The following QTMAN variants were observed in gnomAD, a reference collection of about 807,000 sequenced individuals.
QTMAN encodes queuosine-tRNA mannosyltransferase, also known as tRNA-queuosine alpha-mannosyltransferase.
the QTMAN span, among the ~76,000 whole-genome samples, chr2:144,029,650 C>A: frequency 6.6e-6 from 1 of 152,026 alleles, no homozygotes; most frequent in South Asian, 2.1e-4. Context: ...AAAAAACATG[C>A]TAGCAAAGCT....
At chr2:143,976,649 T>C in the QTMAN span, among the ~76,000 whole-genome samples, 2 of 152,312 alleles carry the variant, frequency 1.3e-5, no homozygotes, top group South Asian at 2.1e-4. Context: ...ACGTGGTGTG[T>C]CATAGTGCTT....
the QTMAN span, among the ~76,000 whole-genome samples, chr2:143,965,539 T>C: frequency 6.6e-6 from 1 of 152,192 alleles, no homozygotes; most frequent in African/African-American, 2.4e-5. Context: ...GTCCCAAGCC[T>C]GGTTTGCTGA....
the QTMAN span, among the ~76,000 whole-genome samples, chr2:144,104,998 G>A: frequency 0.016 from 2,465 of 152,318 alleles, 90 homozygotes; most frequent in African/African-American, 0.055. Context: ...GGCAAACAGA[G>A]TCTGGAGTGG....
the QTMAN span, among the ~76,000 whole-genome samples, chr2:144,020,787 A>T: frequency 6.6e-6 from 1 of 150,968 alleles, no homozygotes; most frequent in Non-Finnish European, 1.5e-5. Context: ...GAAAAAACTT[A>T]AAAAAAAACC....
chr2:143,990,128 G>A, the QTMAN span, among the ~76,000 whole-genome samples: 183 of 151,730 alleles, frequency 1.2e-3, 5 homozygotes, highest in South Asian at 0.034. Context: ...GCTAGATTAC[G>A]GTAATTCCTT....
the QTMAN span, among the ~76,000 whole-genome samples, chr2:143,966,773 C>T: frequency 6.6e-6 from 1 of 152,226 alleles, no homozygotes; most frequent in Non-Finnish European, 1.5e-5. Flanking sequence ...TTTGTAACAA[C>T]ATAATTTTTG....
the QTMAN span, among the ~76,000 whole-genome samples, chr2:144,018,574 A>C: frequency 6.6e-6 from 1 of 152,326 alleles, no homozygotes; most frequent in Non-Finnish European, 1.5e-5. Flanking sequence ...AGAAAAAGGG[A>C]GTAAAAATAA....
At chr2:144,134,267 T>C in the QTMAN span, among the ~76,000 whole-genome samples, 9 of 152,172 alleles carry the variant, frequency 5.9e-5, no homozygotes, top group African/African-American at 2.2e-4. Flanking sequence ...GGAGTTTTCA[T>C]TTAAAGTTTT....
At chr2:143,976,458 C>A in the QTMAN span, among the ~76,000 whole-genome samples, 1 of 152,190 alleles carries the variant, frequency 6.6e-6, no homozygotes, top group Non-Finnish European at 1.5e-5. Context: ...ACTTCCAAAT[C>A]CAGTGATGTG....
chr2:144,144,190 G>A, the QTMAN span, among the ~76,000 whole-genome samples: 5 of 151,888 alleles, frequency 3.3e-5, no homozygotes, highest in Non-Finnish European at 7.4e-5. Flanking sequence ...GGAATCGAGA[G>A]CTGAATTGTT....
chr2:143,977,681 A>G, the QTMAN span, among the ~76,000 whole-genome samples: 3 of 152,334 alleles, frequency 2.0e-5, no homozygotes, highest in Middle Eastern at 3.4e-3. Context: ...GGGGACCAGG[A>G]AAATGGAAGA....
At chr2:143,965,612 T>C in the QTMAN span, among the ~76,000 whole-genome samples, 1 of 152,292 alleles carries the variant, frequency 6.6e-6, no homozygotes, top group East Asian at 1.9e-4. Context: ...GGTTGGATAA[T>C]TATTTGCCGT....
At chr2:144,205,388 T>C in the QTMAN span, among the ~76,000 whole-genome samples, 2 of 152,184 alleles carry the variant, frequency 1.3e-5, no homozygotes, top group African/African-American at 4.8e-5. Flanking sequence ...ACCACTTTGC[T>C]GGAAGAACTC....
the QTMAN span, among the ~76,000 whole-genome samples, chr2:144,109,225 C>A: frequency 6.6e-6 from 1 of 152,114 alleles, no homozygotes; most frequent in African/African-American, 2.4e-5. Context: ...GAACAGAGCC[C>A]TCAGAAATAA....
chr2:144,283,743 C>T, the QTMAN span, among the ~76,000 whole-genome samples: 1 of 151,898 alleles, frequency 6.6e-6, no homozygotes. Context: ...TTTAAATGCA[C>T]AACACACTCT....
At chr2:144,267,251 T>A in the QTMAN span, among the ~76,000 whole-genome samples, 1 of 152,158 alleles carries the variant, frequency 6.6e-6, no homozygotes. Context: ...CTAAAGTTAT[T>A]ATAAGATTCA....
At chr2:144,077,776 A>T in the QTMAN span, among the ~76,000 whole-genome samples, 1 of 152,220 alleles carries the variant, frequency 6.6e-6, no homozygotes, top group Non-Finnish European at 1.5e-5. Context: ...TTATAAAAAG[A>T]CACAAAGTCT....
the QTMAN span, among the ~76,000 whole-genome samples, chr2:144,089,731 T>G: frequency 6.6e-6 from 1 of 151,870 alleles, no homozygotes; most frequent in African/African-American, 2.4e-5. Flanking sequence ...TTTGATCACA[T>G]GGAGGTGGAC....
the QTMAN span, among the ~76,000 whole-genome samples, chr2:144,174,360 C>T: frequency 6.6e-6 from 1 of 152,190 alleles, no homozygotes; most frequent in Admixed American, 6.5e-5. Flanking sequence ...AGCCTCCCCC[C>T]TCATTTGGTT....
Sources: gnomAD v4.1 joint callset for allele counts (sites outside exome capture counted in the v4.1 genomes callset) on GRCh38, gnomAD v4.1.1 for gene constraint, MANE v1.5 for transcripts, NCBI Gene and HGNC (gene_info 2026-07-23, HGNC 2026-07-21) for gene names.